ZNF91: variants seen among roughly 807,000 people sequenced by gnomAD.
The protein encoded by ZNF91 is zinc finger protein 91 (HPF7, HTF10).
ZNF91 carries 7 observed loss-of-function variants against 12.6 expected under a neutral mutation model. The observed-to-expected ratio is 0.55, with a 90% confidence interval of 0.31 to 1.04. The LOEUF is 1.04. Ranked by LOEUF, ZNF91 falls within the 50% of genes least tolerant of loss-of-function variation. ZNF91 has a pLI of 0.05. For missense variants in ZNF91, 1,217 were observed against 1,385.4 expected (o/e 0.88, Z 1.93); for synonymous variants, 453 against 462.6 (o/e 0.98, Z 0.27).
chr19:23,323,982 T>C (rs190234619), intron 1 of ZNF91: 306 of 149,904 alleles, frequency 2.0e-3, no homozygotes, highest in South Asian at 0.017. Flanking sequence ...TCCTCCTCCT[T>C]CTTCTGCTCC....
downstream of ZNF91, among the ~76,000 whole-genome samples, chr19:23,356,700 C>T (rs1471585822): frequency 6.6e-6 from 1 of 152,078 alleles, no homozygotes; most frequent in Non-Finnish European, 1.5e-5. Context: ...CTCAACTAAC[C>T]AAATACCACC....
At chr19:23,378,745 A>G (rs1430120379) in intron 1 of ZNF91, among the ~76,000 whole-genome samples, 1 of 152,226 alleles carries the variant, frequency 6.6e-6, no homozygotes, top group African/African-American at 2.4e-5. Flanking sequence ...GCACACATCT[A>G]TTTATTGTAC....
intron 2 of ZNF91, chr19:23,308,508 G>A (rs1967427733): frequency 6.6e-6 from 1 of 152,086 alleles, no homozygotes. Flanking sequence ...CCACAGAAAT[G>A]AGAGTGACTT....
chr19:23,386,183 C>G lies in ZNF91; in HGVS notation c.30+9142G>C, dbSNP rs867275799. On this transcript the variant is annotated intron_variant, in intron 1 of 3. Transcript: ENST00000300619. ...CAGAAATGGCACAAATGGAAAACAA[C>G]TTTATGCTCATAAATAGAAAAAATC... is the stretch of plus-strand genomic sequence containing the variant. 2.6e-5 allele frequency among the ~76,000 whole-genome samples: 4 copies of G among 152,114 alleles called. No individual in the cohort carries two copies. In the East Asian group the frequency reaches 7.7e-4, roughly 29 times the overall value.
intron 1 of ZNF91, among the ~76,000 whole-genome samples, chr19:23,378,804 A>G (rs1343370749): frequency 6.6e-6 from 1 of 152,190 alleles, no homozygotes; most frequent in African/African-American, 2.4e-5. Flanking sequence ...GCTAGTCTAG[A>G]CTAAAAGTTC....
At chr19:23,334,402 A>G (rs1967970722), downstream of ZNF91, among the ~76,000 whole-genome samples, 1 of 152,172 alleles carries the variant, frequency 6.6e-6, no homozygotes, top group Non-Finnish European at 1.5e-5. Flanking sequence ...ACGTTTTAGA[A>G]AGTTTAAGCT....
At chr19:23,317,091 G>A (rs557873659) in intron 1 of ZNF91, among the ~76,000 whole-genome samples, 10 of 151,948 alleles carry the variant, frequency 6.6e-5, no homozygotes, top group African/African-American at 9.6e-5. Context: ...TGTCGCCCAG[G>A]CTGGAGTGCA....
In ZNF91 at chr19:23,361,597, G is replaced by T; in HGVS notation, c.1382C>A (p.Pro461His). The T allele has an allele frequency of 6.2e-7, 1 of 1,613,416 alleles. No individual in the cohort carries two copies. Among genetic ancestry groups the T allele is most frequent in the South Asian group, 1.1e-5 (1 of 91,040 alleles). ...TTTGCCACATTCTTTACATTTGAAG[G>T]GTTTCTCTCTAGTATGAAATCTTTT... is the stretch of plus-strand genomic sequence containing the variant. Reference protein sequence around the residue: ...KHKRFHTREKPFKCKECGKAF... With the variant: ...KHKRFHTREKHFKCKECGKAF... The change falls in exon 4 of 4, where the codon CCC becomes CAC. Residue 461 changes from proline to histidine, a missense_variant. Coordinates refer to ENST00000300619, the MANE Select transcript of ZNF91 (RefSeq NM_003430.4).
rs766458029 is a variant in ZNF91, at chr19:23,360,628, G to A, written c.2351C>T (p.Thr784Ile). ...GTGTATCCTCTTATGTCTAGTTAGG[G>A]TTGAAGACCATATAAATGCTTTGCC... ...ECGKAFIWSSTLTRHKRIHTG... is the reference protein window; with the variant it reads ...ECGKAFIWSSILTRHKRIHTG... Residue 784 changes from threonine to isoleucine, a missense_variant, in exon 4 of 4, where the codon ACC becomes ATC. By Grantham distance (89) the Thr-to-Ile change is moderately conservative. Transcript: ENST00000300619. 14 of 1,613,352 alleles carry A rather than the reference G, an allele frequency of 8.7e-6. No individual in the cohort carries two copies. The highest frequency in any genetic ancestry group is 3.3e-5 in the Admixed American group (2 of 59,936).
chr19:23,359,950 G>C lies in ZNF91; in HGVS notation c.3029C>G (p.Thr1010Ser), dbSNP rs746987256. 2 of 1,611,702 alleles carry C rather than the reference G, an allele frequency of 1.2e-6. No homozygotes were observed. The highest frequency in any genetic ancestry group is 1.1e-5 in the South Asian group (1 of 90,792). Reference protein sequence around the residue: ...GKAFSQSSTLTRHTRMHTGEK... With the variant: ...GKAFSQSSTLSRHTRMHTGEK... ...TCCAGTGTGCATCCTCGTATGTCTA[G>C]TTAGGGTTGAGGATTGGCTAAATGC... Residue 1010 changes from threonine (T) to serine (S), a missense_variant, in exon 4 of 4, where the codon ACT becomes AGT. Physicochemically the swap from Thr to Ser is moderately conservative, Grantham distance 58. This residue lies in a region of ZNF91 where 491 missense variants were observed against 489.8 expected (regional missense o/e 1.00). Transcript: ENST00000300619.
chr19:23,353,603 G>T (rs144495206), downstream of ZNF91, among the ~76,000 whole-genome samples: 2 of 151,976 alleles, frequency 1.3e-5, no homozygotes, highest in East Asian at 3.9e-4. Flanking sequence ...AAATAACCAA[G>T]ATCAGAGCAG....
exon 4 of ZNF91, chr19:23,305,115 T>G (rs1314483419): frequency 3.9e-5 from 6 of 152,216 alleles, no homozygotes; most frequent in Admixed American, 3.9e-4. Flanking sequence ...AGCCAAGGTC[T>G]GTAAATTGAA....
chr19:23,389,406 A>G (rs1969988819), intron 1 of ZNF91, among the ~76,000 whole-genome samples: 1 of 151,638 alleles, frequency 6.6e-6, no homozygotes, highest in Non-Finnish European at 1.5e-5. Flanking sequence ...TTTTGGCAAA[A>G]AAAAAAAAAA....
intron 1 of ZNF91, among the ~76,000 whole-genome samples, chr19:23,394,533 C>T: frequency 6.6e-6 from 1 of 152,036 alleles, no homozygotes; most frequent in East Asian, 1.9e-4. Flanking sequence ...GAGTTCCAGA[C>T]CAGCCTGGCC....
upstream of ZNF91, among the ~76,000 whole-genome samples, chr19:23,315,262 T>G (rs1967535845): frequency 6.6e-6 from 1 of 152,194 alleles, no homozygotes; most frequent in Admixed American, 6.5e-5. Flanking sequence ...GTCCAACACC[T>G]AGGTGATGTG....
At chr19:23,368,830 GAAATA>G (rs1246863828) in intron 3 of ZNF91, among the ~76,000 whole-genome samples, 2 of 151,168 alleles carry the variant, frequency 1.3e-5, no homozygotes, top group Non-Finnish European at 2.9e-5. Context: ...ACTTTATTTA[GAAATA>G]AATAATTAAA....
chr19:23,387,434 T>C (rs1969907578), intron 1 of ZNF91, among the ~76,000 whole-genome samples: 2 of 152,198 alleles, frequency 1.3e-5, no homozygotes, highest in Non-Finnish European at 1.5e-5. Flanking sequence ...AAATATGGTA[T>C]GATCAGGCAC....
chr19:23,384,628 C>T (rs1969816016), intron 1 of ZNF91: 4 of 758,024 alleles, frequency 5.3e-6, no homozygotes, highest in Non-Finnish European at 7.8e-6. Context: ...ATCAGTCCCC[C>T]TCTTGGAGGC....
chr19:23,394,188 T>C (rs1158947561), intron 1 of ZNF91, among the ~76,000 whole-genome samples: 2 of 152,080 alleles, frequency 1.3e-5, no homozygotes, highest in African/African-American at 4.8e-5. Context: ...GAGGCCCTGC[T>C]TGAGACACAT....
Sources: allele counts gnomAD v4.1 joint callset (sites outside exome capture counted in the v4.1 genomes callset), GRCh38; gene constraint gnomAD v4.1.1; regional missense constraint gnomAD v4.1.1; transcripts MANE v1.5; gene names NCBI Gene and HGNC (gene_info 2026-07-23, HGNC 2026-07-21).